EVA1C: variants seen among roughly 807,000 people sequenced by gnomAD.
The protein encoded by EVA1C is eva-1 homolog C.
In EVA1C, 25 loss-of-function variants were observed where a neutral mutation model predicts 45.4. The observed-to-expected ratio is 0.55, with a 90% confidence interval of 0.40 to 0.77. EVA1C has a LOEUF of 0.77. Ranked by LOEUF, EVA1C falls within the 30% of genes least tolerant of loss-of-function variation. The pLI is 0.00. For missense variants in EVA1C, 479 were observed against 554.8 expected (o/e 0.86, Z 1.37); for synonymous variants, 190 against 221.2 (o/e 0.86, Z 1.25).
At chr21:32,476,498 A>C (rs149646900) in intron 4 of EVA1C, among the ~76,000 whole-genome samples, 18 of 152,118 alleles carry the variant, frequency 1.2e-4, no homozygotes, top group African/African-American at 4.3e-4. Flanking sequence ...AAAATTAACC[A>C]CATGTGGTGG....
In EVA1C at chr21:32,510,043, C is replaced by CTTT. The variant is rs58017017; in HGVS notation, c.950-4752_950-4750dup. Among the ~76,000 whole-genome samples, 427 of 114,504 alleles carry CTTT rather than the reference C, an allele frequency of 3.7e-3. 11 individuals carry two copies. Among genetic ancestry groups the CTTT allele is most frequent in the African/African-American group, 0.016 (414 of 26,336 alleles). The allele number at this position is 114,504 out of a possible 152,430, so 75.1% of individuals were successfully genotyped here. On this transcript the variant is annotated intron_variant, in intron 7 of 7. Transcript: ENST00000300255. ...AAAGTAATTGCGATTTCCGACATTC[C>CTTT]TTTTTTTTTTTTTTTTTTTTTGAAA...
chr21:32,423,070 CAAAAAAAAAA>C lies in EVA1C; in HGVS notation c.160+10074_160+10083del, dbSNP rs3056306. 5.6e-4 allele frequency among the ~76,000 whole-genome samples: 48 copies of C among 85,594 alleles called. 1 individual carries two copies. The highest frequency in any genetic ancestry group is 1.7e-3 in the African/African-American group (38 of 21,770). 56.2% of individuals were successfully genotyped at this position (85,594 alleles called of 152,430 possible). A position where few individuals can be genotyped will look rare whatever the true frequency, so the allele number is the denominator to read the frequency against. On this transcript the variant is annotated intron_variant, in intron 1 of 7. Coordinates refer to ENST00000300255, the MANE Select transcript of EVA1C (RefSeq NM_058187.5). ...TGGGCAGCAGAGTGAGACTCTGTCT[CAAAAAAAAAA>C]AAAAAAAAAAAAAAAATGGTGGACA... is the stretch of plus-strand genomic sequence containing the variant.
chr21:32,434,099 A>G lies in EVA1C; in HGVS notation c.161-19213A>G, dbSNP rs2034827325. On this transcript the variant is annotated intron_variant, in intron 1 of 7. Transcript: ENST00000300255. ...CATTTGAGGTCAGGAGTTCAAGACCAGCCTGGCCAACATGGTGAAAACTGT... is the reference window on the plus strand; with the variant it reads ...CATTTGAGGTCAGGAGTTCAAGACCGGCCTGGCCAACATGGTGAAAACTGT... 2.6e-5 allele frequency among the ~76,000 whole-genome samples: 4 copies of G among 152,176 alleles called. 1 individual carries two copies. The South Asian group carries it at 8.3e-4, about 32-fold the overall frequency.
chr21:32,471,312 A>G (rs891055872), intron 4 of EVA1C, among the ~76,000 whole-genome samples: 4 of 139,010 alleles, frequency 2.9e-5, no homozygotes, highest in African/African-American at 5.4e-5. Flanking sequence ...CCCTACTCCC[A>G]CTCCTTTTTT....
intron 1 of EVA1C, among the ~76,000 whole-genome samples, chr21:32,446,500 A>G (rs546123920): frequency 6.6e-6 from 1 of 152,314 alleles, no homozygotes; most frequent in East Asian, 1.9e-4. Context: ...AAACAGCTGC[A>G]TTAGTAGTTG....
At chr21:32,416,792 C>T (rs2034066438) in intron 1 of EVA1C, among the ~76,000 whole-genome samples, 1 of 152,194 alleles carries the variant, frequency 6.6e-6, no homozygotes, top group African/African-American at 2.4e-5. Context: ...ACAAAGTAGA[C>T]ATGACCAAAT....
At chr21:32,512,648 C>G (rs1476220526) in intron 7 of EVA1C, among the ~76,000 whole-genome samples, 1 of 152,106 alleles carries the variant, frequency 6.6e-6, no homozygotes, top group Non-Finnish European at 1.5e-5. Flanking sequence ...CAGATCTGTC[C>G]CTGGCCTGAC....
chr21:32,438,477 ACT>A (rs1353000788), intron 1 of EVA1C, among the ~76,000 whole-genome samples: 1 of 111,224 alleles, frequency 9.0e-6, no homozygotes, highest in Non-Finnish European at 1.7e-5. Flanking sequence ...ACAGAGTGAG[ACT>A]CTGTCTCAAA....
chr21:32,453,459 C>T lies in EVA1C; in HGVS notation c.308C>T (p.Ala103Val). ...CAAATGTGTAGTTCCCAGAAGCCTGCCTCCCAGAGGGAAGACAGCTTAACC... is the reference window on the plus strand; with the variant it reads ...CAAATGTGTAGTTCCCAGAAGCCTGTCTCCCAGAGGGAAGACAGCTTAACC... ...DYQMCSSQKP[A>V]SQREDSLTCV... Residue 103 changes from alanine (A) to valine (V), a missense_variant, in exon 2 of 8, where the codon GCC (alanine) becomes GTC (valine). Physicochemically the swap from Ala to Val is moderately conservative, Grantham distance 64. This residue lies in a region of EVA1C where 366 missense variants were observed against 426.1 expected (regional missense o/e 0.86). Transcript: ENST00000300255. 5 of 1,611,280 alleles carry T rather than the reference C, an allele frequency of 3.1e-6. No individual in the cohort carries two copies. Among genetic ancestry groups the T allele is most frequent in the Non-Finnish European group, 4.2e-6 (5 of 1,179,242 alleles).
In EVA1C at chr21:32,469,791, C is replaced by T. The variant is rs148016341; in HGVS notation, c.634+1943C>T. Among the ~76,000 whole-genome samples the T allele has an allele frequency of 8.2e-3, 1,254 of 152,292 alleles. 13 individuals carry two copies. Among genetic ancestry groups the T allele is most frequent in the African/African-American group, 0.027 (1,139 of 41,554 alleles). On this transcript the variant is annotated intron_variant, in intron 4 of 7. Transcript: ENST00000300255. ...GGAAGATTCCTTTTTAGGGAAACCTCGGTCTTCGCTTCTAAGGCCTTCATC... is the reference window on the plus strand; with the variant it reads ...GGAAGATTCCTTTTTAGGGAAACCTTGGTCTTCGCTTCTAAGGCCTTCATC...
At position 32,413,097 on chromosome 21, in the gene EVA1C, G is replaced by A. The variant is rs138828554; in HGVS notation, c.160+84G>A. On this transcript the variant is annotated intron_variant, in intron 1 of 7. Coordinates refer to ENST00000300255, the MANE Select transcript of EVA1C (RefSeq NM_058187.5). Reference sequence around the variant, plus strand: ...TCGACTGGGGGCAGCCGCACCAGTGGACACGGCGGGGTAGGATTAAAGTTG... The same window carrying A: ...TCGACTGGGGGCAGCCGCACCAGTGAACACGGCGGGGTAGGATTAAAGTTG... The A allele has an allele frequency of 3.1e-3, 3,610 of 1,171,812 alleles. 99 individuals are homozygous for A. In the East Asian group the frequency reaches 0.058, roughly 19 times the overall value. 72.6% of individuals were successfully genotyped at this position (1,171,812 alleles called of 1,614,324 possible). A position where few individuals can be genotyped will look rare whatever the true frequency, so the allele number is the denominator to read the frequency against.
intron 4 of EVA1C, among the ~76,000 whole-genome samples, chr21:32,481,573 G>A (rs1186671605): frequency 6.7e-6 from 1 of 149,726 alleles, no homozygotes; most frequent in Non-Finnish European, 1.5e-5. Flanking sequence ...AACTTTTCAT[G>A]ACCTCTGGGA....
chr21:32,439,198 C>A (rs1444542032), intron 1 of EVA1C, among the ~76,000 whole-genome samples: 1 of 141,140 alleles, frequency 7.1e-6, no homozygotes, highest in Non-Finnish European at 1.5e-5. Flanking sequence ...TGAGATCTTG[C>A]CACAGCACTC....
In EVA1C at chr21:32,423,806, G is replaced by T. The variant is rs547591382; in HGVS notation, c.160+10793G>T. 1.7e-4 allele frequency among the ~76,000 whole-genome samples: 26 copies of T among 152,242 alleles called. 1 individual carries two copies. Among genetic ancestry groups the T allele is most frequent in the South Asian group, 1.7e-3 (8 of 4,820 alleles). ...CTGAGAGCCAAGTTTTCCACACGCA[G>T]AAAACCAGGCAACATTAAAATTCAA... On this transcript the variant is annotated intron_variant, in intron 1 of 7. Coordinates refer to ENST00000300255, the MANE Select transcript of EVA1C (RefSeq NM_058187.5).
At chr21:32,455,422 G>A (rs535742392) in intron 2 of EVA1C, among the ~76,000 whole-genome samples, 5 of 152,204 alleles carry the variant, frequency 3.3e-5, no homozygotes, top group Non-Finnish European at 5.9e-5. Context: ...TACTGTTAAA[G>A]CAGCAATTAC....
rs1448642984 is a variant in EVA1C, at chr21:32,466,373, C to T, written c.482-1323C>T. ...GGCAGAGCTTGCAGTGAGCAGAGAT[C>T]GTGCCACTGCACTCCAGCCTGGGCG... On this transcript the variant is annotated intron_variant, in intron 3 of 7. Coordinates refer to ENST00000300255, the MANE Select transcript of EVA1C (RefSeq NM_058187.5). 4.0e-5 allele frequency among the ~76,000 whole-genome samples: 6 copies of T among 148,420 alleles called. No homozygotes were observed. The South Asian group carries it at 6.3e-4, about 16-fold the overall frequency.
rs201956594 is a variant in EVA1C, at chr21:32,515,108, G to A, written c.1244G>A (p.Arg415His). ...EAAELAERIERREQIIQEIWM... is the reference protein window; with the variant it reads ...EAAELAERIEHREQIIQEIWM... ...GCAGAGCTCGCAGAAAGGATTGAGCGCAGGGAGCAAATCATTCAGGAAATA... is the reference window on the plus strand; with the variant it reads ...GCAGAGCTCGCAGAAAGGATTGAGCACAGGGAGCAAATCATTCAGGAAATA... The change falls in exon 8 of 8, where the codon CGC (arginine) becomes CAC (histidine). Residue 415 changes from arginine (R) to histidine (H), a missense_variant. Around this residue, in one of 3 missense-constraint regions of EVA1C, gnomAD observed 366 missense variants for 426.1 expected, o/e 0.86. Coordinates refer to ENST00000300255, the MANE Select transcript of EVA1C (RefSeq NM_058187.5). 3.3e-5 allele frequency: 54 copies of A among 1,613,912 alleles called. No homozygotes were observed. The highest frequency in any genetic ancestry group is 4.5e-5 in the Non-Finnish European group (53 of 1,179,910).
At chr21:32,481,904 A>T (rs2036804024) in intron 4 of EVA1C, among the ~76,000 whole-genome samples, 1 of 152,194 alleles carries the variant, frequency 6.6e-6, no homozygotes, top group African/African-American at 2.4e-5. Context: ...GCTGTACCAT[A>T]GATGCTTGTT....
chr21:32,466,538 C>T (rs1222707635), intron 3 of EVA1C, among the ~76,000 whole-genome samples: 1 of 151,560 alleles, frequency 6.6e-6, no homozygotes, highest in African/African-American at 2.4e-5. Context: ...ACGCATAATG[C>T]CAACTTTGTA....
Sources: allele counts gnomAD v4.1 joint callset (sites outside exome capture counted in the v4.1 genomes callset), GRCh38; gene constraint gnomAD v4.1.1; regional missense constraint gnomAD v4.1.1; transcripts MANE v1.5; gene names NCBI Gene and HGNC (gene_info 2026-07-23, HGNC 2026-07-21).